EPB41L2: variants seen among roughly 807,000 people sequenced by gnomAD.
The protein encoded by EPB41L2 is band 4.1-like protein 2.
EPB41L2 carries 43 observed loss-of-function variants against 113.0 expected under a neutral mutation model. That is an observed-to-expected ratio of 0.38 (90% CI 0.30 to 0.49). EPB41L2 has a LOEUF of 0.49. Among genes scored for constraint, EPB41L2 ranks in the 20% least tolerant of loss-of-function variants. EPB41L2 has a pLI of 0.95. For synonymous variants in EPB41L2, 442 were observed against 436.7 expected, an observed-to-expected ratio of 1.01 and a Z score of -0.15; for missense variants, 1,147 against 1,223.4, an observed-to-expected ratio of 0.94 and a Z score of 0.93.
At chr6:130,972,548 G>GTT (rs201920325) in intron 1 of EPB41L2, among the ~76,000 whole-genome samples, 79 of 146,520 alleles carry the variant, frequency 5.4e-4, no homozygotes, top group African/African-American at 1.9e-3. Context: ...TAAATTCTGG[G>GTT]TTTTTTTTTT....
At chr6:130,925,636 G>A (rs1213035562) in intron 4 of EPB41L2, among the ~76,000 whole-genome samples, 1 of 152,072 alleles carries the variant, frequency 6.6e-6, no homozygotes, top group Non-Finnish European at 1.5e-5. Context: ...AAAAAAAGGA[G>A]GTAATCCTAG....
At chr6:131,001,340 C>T (rs932194949) in intron 1 of EPB41L2, among the ~76,000 whole-genome samples, 6 of 151,936 alleles carry the variant, frequency 3.9e-5, no homozygotes, top group South Asian at 2.1e-4. Flanking sequence ...AAAGAGAGCA[C>T]GTGAGCGCGA....
intron 1 of EPB41L2, among the ~76,000 whole-genome samples, chr6:130,990,762 A>G (rs1292200021): frequency 1.3e-5 from 2 of 152,170 alleles, no homozygotes; most frequent in African/African-American, 4.8e-5. Context: ...TGGTTGGTAT[A>G]CTATGCCGAG....
At chr6:130,854,764 A>G (rs1301521508) in intron 19 of EPB41L2, among the ~76,000 whole-genome samples, 1 of 152,228 alleles carries the variant, frequency 6.6e-6, no homozygotes, top group African/African-American at 2.4e-5. Context: ...GGAAAGGTAG[A>G]TCATACCATT....
In EPB41L2 at chr6:130,839,464, G is replaced by A. The variant is rs1774884022; in HGVS notation, c.*1140C>T. The A allele has an allele frequency of 6.6e-6, 1 of 152,120 alleles. No individual in the cohort carries two copies. The highest frequency in any genetic ancestry group is 2.4e-5 in the African/African-American group (1 of 41,420). 9.4% of individuals were successfully genotyped at this position (152,120 alleles called of 1,614,324 possible). ...CATCGTAACTATACATAGGGTCAAAGGCAAAGGAAAAAATGTTCAATATAG... is the reference window on the plus strand; with the variant it reads ...CATCGTAACTATACATAGGGTCAAAAGCAAAGGAAAAAATGTTCAATATAG... On this transcript the variant is annotated 3_prime_UTR_variant, in exon 20 of 20. Transcript: ENST00000337057.
At chr6:130,942,244 A>C (rs772344208) in intron 3 of EPB41L2, among the ~76,000 whole-genome samples, 2 of 152,210 alleles carry the variant, frequency 1.3e-5, no homozygotes, top group Non-Finnish European at 2.9e-5. Context: ...TTGTGTGATA[A>C]ATTAAACAAC....
chr6:130,872,681 A>G (rs1057054636), intron 14 of EPB41L2: 1 of 530,774 alleles, frequency 1.9e-6, no homozygotes, highest in African/African-American at 2.0e-5. Flanking sequence ...ATTCTGACAG[A>G]TTCTGGAGCA....
At chr6:131,039,278 C>T (rs1343543241) in intron 1 of EPB41L2, among the ~76,000 whole-genome samples, 1 of 152,166 alleles carries the variant, frequency 6.6e-6, no homozygotes, top group East Asian at 1.9e-4. Flanking sequence ...TGGGTATGGA[C>T]TTTGTAACTG....
chr6:131,020,173 G>A (rs914467457), intron 1 of EPB41L2, among the ~76,000 whole-genome samples: 1 of 151,908 alleles, frequency 6.6e-6, no homozygotes, highest in African/African-American at 2.4e-5. Context: ...ATGTTAAAGG[G>A]TTATCCTTTA....
intron 1 of EPB41L2, among the ~76,000 whole-genome samples, chr6:131,020,681 C>T (rs989933631): frequency 3.3e-5 from 5 of 152,146 alleles, no homozygotes; most frequent in African/African-American, 7.2e-5. Flanking sequence ...GTCAACCAAG[C>T]CATTACTGAT....
chr6:130,873,013 C>T (rs150187413), intron 14 of EPB41L2, among the ~76,000 whole-genome samples: 2 of 152,160 alleles, frequency 1.3e-5, no homozygotes, highest in East Asian at 1.9e-4. Flanking sequence ...TCCCTGAGGC[C>T]CACTTCATAG....
intron 14 of EPB41L2, chr6:130,870,420 C>T (rs1299946387): frequency 9.0e-6 from 14 of 1,547,930 alleles, no homozygotes; most frequent in Non-Finnish European, 1.1e-5. Context: ...AAAATCAATA[C>T]AGTTTTACCT....
In EPB41L2 at chr6:130,956,246, T is replaced by A; in HGVS notation, c.240A>T (p.Pro80=). Reference sequence around the variant, plus strand: ...TATATGACTTTTGCTTCTTAAGCCATGGCGGTATGAACCGAGAAATACCCC... The same window carrying A: ...TATATGACTTTTGCTTCTTAAGCCAAGGCGGTATGAACCGAGAAATACCCC... The part of the protein sequence containing the change: ...ESRGISRFIP[P]WLKKQKSYTL... Residue 80 remains proline, a synonymous_variant, in exon 2 of 20, where the codon CCA becomes CCT. Coordinates refer to ENST00000337057, the MANE Select transcript of EPB41L2 (RefSeq NM_001431.4). The A allele has an allele frequency of 6.2e-7, 1 of 1,614,204 alleles. No individual in the cohort carries two copies. Among genetic ancestry groups the A allele is most frequent in the Non-Finnish European group, 8.5e-7 (1 of 1,180,036 alleles).
intron 5 of EPB41L2, among the ~76,000 whole-genome samples, chr6:130,907,130 A>T (rs1200318684): frequency 2.0e-5 from 3 of 152,182 alleles, no homozygotes; most frequent in Non-Finnish European, 4.4e-5. Context: ...AAACCATAGG[A>T]AACAACTCAA....
intron 14 of EPB41L2, among the ~76,000 whole-genome samples, chr6:130,875,840 A>C (rs1225576524): frequency 6.6e-6 from 1 of 152,070 alleles, no homozygotes; most frequent in Non-Finnish European, 1.5e-5. Context: ...AACTAAAAAC[A>C]CAAAAAAATT....
chr6:130,970,782 A>T (rs1038295373), intron 1 of EPB41L2, among the ~76,000 whole-genome samples: 3 of 152,228 alleles, frequency 2.0e-5, no homozygotes, highest in African/African-American at 7.2e-5. Flanking sequence ...GAAGCCCAGT[A>T]AATGCCTGAA....
chr6:130,938,504 G>A (rs1809670805), intron 3 of EPB41L2, among the ~76,000 whole-genome samples: 1 of 152,140 alleles, frequency 6.6e-6, no homozygotes, highest in South Asian at 2.1e-4. Context: ...ACTATGTAAG[G>A]AGGAAACTCT....
At chr6:131,058,001 A>G (rs1228245220) in intron 1 of EPB41L2, among the ~76,000 whole-genome samples, 1 of 152,234 alleles carries the variant, frequency 6.6e-6, no homozygotes, top group Non-Finnish European at 1.5e-5. Context: ...TTTAAGATAC[A>G]GGTCAGATCT....
chr6:130,919,850 C>G (rs1345524158), intron 4 of EPB41L2, among the ~76,000 whole-genome samples: 4 of 152,222 alleles, frequency 2.6e-5, no homozygotes, highest in Non-Finnish European at 4.4e-5. Context: ...GAACTATTAA[C>G]AGCAATCCAC....
Sources: allele counts gnomAD v4.1 joint callset (sites outside exome capture counted in the v4.1 genomes callset), GRCh38; gene constraint gnomAD v4.1.1; transcripts MANE v1.5; gene names NCBI Gene and HGNC (gene_info 2026-07-23, HGNC 2026-07-21).